The following FARS2 variants were observed in gnomAD, a reference collection of about 807,000 sequenced individuals.
FARS2 encodes the protein phenylalanyl-tRNA synthetase 2, mitochondrial, also known as phenylalanine--tRNA ligase, mitochondrial.
FARS2 carries 40 observed loss-of-function variants against 46.4 expected under a neutral mutation model. That is an observed-to-expected ratio of 0.86 (90% CI 0.67 to 1.12). The LOEUF is 1.12. Ranked by LOEUF, FARS2 falls within the 50% of genes most tolerant of loss-of-function variation. The pLI is 0.00. For synonymous variants in FARS2, 234 were observed against 214.9 expected, an observed-to-expected ratio of 1.09 and a Z score of -0.78; for missense variants, 513 against 567.9, an observed-to-expected ratio of 0.90 and a Z score of 0.98.
At chr6:5,577,601 T>C (rs1773061606) in intron 5 of FARS2, among the ~76,000 whole-genome samples, 1 of 152,178 alleles carries the variant, frequency 6.6e-6, no homozygotes, top group African/African-American at 2.4e-5. Flanking sequence ...ATTTCTCTCT[T>C]CACAGTCCTT....
chr6:5,300,165 G>A lies in FARS2; in HGVS notation c.-22+38505G>A, dbSNP rs1051844363. ...GATTTCCTGCTGTGTATCTCTTAGA[G>A]CCCTCACTGAGGGCAGAAAATGATT... On this transcript the variant is annotated intron_variant, in intron 1 of 6. Coordinates refer to ENST00000274680, the MANE Select transcript of FARS2 (RefSeq NM_006567.5). 1.1e-4 allele frequency among the ~76,000 whole-genome samples: 17 copies of A among 152,266 alleles called. No homozygotes were observed. The East Asian group carries it at 3.1e-3, about 28-fold the overall frequency.
At chr6:5,298,207 C>T (rs1768031231) in intron 1 of FARS2, among the ~76,000 whole-genome samples, 1 of 152,212 alleles carries the variant, frequency 6.6e-6, no homozygotes, top group Non-Finnish European at 1.5e-5. Context: ...GTCTGCTGGG[C>T]CTGTGTGTCA....
At chr6:5,365,510 A>AATTT (rs1439314360) in intron 1 of FARS2, among the ~76,000 whole-genome samples, 6 of 127,968 alleles carry the variant, frequency 4.7e-5, no homozygotes, top group South Asian at 5.3e-4. Flanking sequence ...ATTAAATAAA[A>AATTT]TTTTTTTTTT....
At chr6:5,438,575 T>C (rs1273301950) in intron 4 of FARS2, among the ~76,000 whole-genome samples, 2 of 152,176 alleles carry the variant, frequency 1.3e-5, no homozygotes, top group African/African-American at 4.8e-5. Context: ...TGAGAATTCC[T>C]GTATTTTCAT....
At chr6:5,653,826 G>A (rs986804073) in intron 6 of FARS2, among the ~76,000 whole-genome samples, 4 of 152,188 alleles carry the variant, frequency 2.6e-5, no homozygotes, top group African/African-American at 9.7e-5. Flanking sequence ...GCAGGGAAGA[G>A]AATAGTGGAG....
At chr6:5,562,863 G>C (rs1405325847) in intron 5 of FARS2, among the ~76,000 whole-genome samples, 1 of 150,326 alleles carries the variant, frequency 6.7e-6, no homozygotes, top group African/African-American at 2.4e-5. Flanking sequence ...GAGTGCAATG[G>C]CGCGATCTAG....
At chr6:5,366,244 A>G (rs1228402122) in intron 1 of FARS2, among the ~76,000 whole-genome samples, 1 of 152,232 alleles carries the variant, frequency 6.6e-6, no homozygotes, top group Non-Finnish European at 1.5e-5. Context: ...GGTACGAACA[A>G]TACTTACATC....
chr6:5,449,352 C>A (rs200944285), intron 4 of FARS2, among the ~76,000 whole-genome samples: 563 of 120,738 alleles, frequency 4.7e-3, no homozygotes, highest in South Asian at 5.4e-3. Context: ...GACTCCATCT[C>A]AAAAAAAAAA....
chr6:5,574,899 T>C (rs187246146), intron 5 of FARS2, among the ~76,000 whole-genome samples: 1 of 152,228 alleles, frequency 6.6e-6, no homozygotes, highest in East Asian at 1.9e-4. Context: ...ATATACAAAA[T>C]GTCAGCTTCT....
rs910388932 is a variant in FARS2 at position 5,648,567 on chromosome 6, C to T, written c.1217+35247C>T. ...GACCCAGGGTCTCTAGGTGAGGGTCCTTCCTGGGTTCCTATTTCATGAGCC... is the reference window on the plus strand; with the variant it reads ...GACCCAGGGTCTCTAGGTGAGGGTCTTTCCTGGGTTCCTATTTCATGAGCC... On this transcript the variant is annotated intron_variant, in intron 6 of 6. Coordinates refer to ENST00000274680, the MANE Select transcript of FARS2 (RefSeq NM_006567.5). Among the ~76,000 whole-genome samples, 5 of 152,266 alleles carry T rather than the reference C, an allele frequency of 3.3e-5. No individual in the cohort carries two copies. The South Asian group carries it at 1.0e-3, about 32-fold the overall frequency.
intron 6 of FARS2, among the ~76,000 whole-genome samples, chr6:5,766,534 G>A (rs909756162): frequency 6.6e-6 from 1 of 152,236 alleles, no homozygotes; most frequent in African/African-American, 2.4e-5. Context: ...TAACAGAACA[G>A]TTAAAAGAAA....
intron 6 of FARS2, among the ~76,000 whole-genome samples, chr6:5,664,342 C>G (rs906243186): frequency 6.6e-6 from 1 of 152,164 alleles, no homozygotes; most frequent in African/African-American, 2.4e-5. Flanking sequence ...GCTTTCAAGG[C>G]AGCCAGTGTT....
chr6:5,548,608 A>G (rs1771182411), intron 5 of FARS2, among the ~76,000 whole-genome samples: 2 of 152,250 alleles, frequency 1.3e-5, no homozygotes, highest in South Asian at 2.1e-4. Context: ...AACATCGTGT[A>G]GAATGGTGTG....
intron 6 of FARS2, among the ~76,000 whole-genome samples, chr6:5,690,036 T>G (rs1211824412): frequency 3.9e-5 from 6 of 152,192 alleles, no homozygotes; most frequent in Non-Finnish European, 7.3e-5. Context: ...CCTTTTTTTA[T>G]TTTCCATGTG....
At chr6:5,442,630 T>G (rs541670587) in intron 4 of FARS2, among the ~76,000 whole-genome samples, 6 of 152,304 alleles carry the variant, frequency 3.9e-5, no homozygotes, top group African/African-American at 1.4e-4. Context: ...TTCTAAATAT[T>G]TAATGACTTT....
chr6:5,586,037 A>G (rs1217624066), intron 5 of FARS2, among the ~76,000 whole-genome samples: 1 of 152,110 alleles, frequency 6.6e-6, no homozygotes, highest in Non-Finnish European at 1.5e-5. Flanking sequence ...TATTATTAGT[A>G]TATAGAAACA....
At chr6:5,259,953 G>A (rs114202039), upstream of FARS2, among the ~76,000 whole-genome samples, 5 of 152,152 alleles carry the variant, frequency 3.3e-5, no homozygotes, top group African/African-American at 9.7e-5. Context: ...TAGGCAAATA[G>A]GGGAGTGGGG....
chr6:5,479,787 A>G (rs1179347491), intron 4 of FARS2, among the ~76,000 whole-genome samples: 1 of 152,236 alleles, frequency 6.6e-6, no homozygotes, highest in African/African-American at 2.4e-5. Context: ...ACTTAATTGT[A>G]TGGTTAGGTA....
intron 5 of FARS2, among the ~76,000 whole-genome samples, chr6:5,576,687 T>C (rs1288782494): frequency 6.7e-6 from 1 of 149,666 alleles, no homozygotes. Context: ...AATACAGTAA[T>C]TGACATTCTT....
Sources: allele counts gnomAD v4.1 joint callset (sites outside exome capture counted in the v4.1 genomes callset), GRCh38; gene constraint gnomAD v4.1.1; transcripts MANE v1.5; gene names NCBI Gene and HGNC (gene_info 2026-07-23, HGNC 2026-07-21).